The following CAMKMT variants were observed in gnomAD, a reference collection of about 807,000 sequenced individuals.
CAMKMT encodes the protein calmodulin-lysine N-methyltransferase.
CAMKMT carries 53 observed loss-of-function variants against 48.0 expected under a neutral mutation model. That is an observed-to-expected ratio of 1.10 (90% CI 0.89 to 1.39). The LOEUF (loss-of-function observed/expected upper bound fraction) is 1.39, where lower values mean the gene tolerates loss of function less well. Ranked by LOEUF, CAMKMT falls within the 40% of genes most tolerant of loss-of-function variation. The pLI is 0.00. For missense variants in CAMKMT, 428 were observed against 402.7 expected (o/e 1.06, Z -0.54); for synonymous variants, 165 against 152.3 (o/e 1.08, Z -0.61).
At chr2:44,687,299 T>G (rs541134129) in intron 3 of CAMKMT, among the ~76,000 whole-genome samples, 1 of 152,362 alleles carries the variant, frequency 6.6e-6, no homozygotes, top group East Asian at 1.9e-4. Context: ...TCACTGTGCT[T>G]ACCATATTGT....
chr2:44,552,744 T>C (rs1433207271), intron 3 of CAMKMT, among the ~76,000 whole-genome samples: 2 of 152,318 alleles, frequency 1.3e-5, no homozygotes, highest in East Asian at 1.9e-4. Context: ...AGTCATATGG[T>C]ATGTGATGGT....
chr2:44,484,257 C>A (rs1163254433), intron 3 of CAMKMT, among the ~76,000 whole-genome samples: 1 of 150,344 alleles, frequency 6.7e-6, no homozygotes, highest in Non-Finnish European at 1.5e-5. Flanking sequence ...ATGTAAAGAA[C>A]CAATAATAGT....
At chr2:44,505,915 T>C (rs1174060397) in intron 3 of CAMKMT, among the ~76,000 whole-genome samples, 1 of 152,092 alleles carries the variant, frequency 6.6e-6, no homozygotes, top group African/African-American at 2.4e-5. Flanking sequence ...TTGCCCAGGC[T>C]GAAGTGCAGT....
At chr2:44,472,569 A>G (rs773587081) in intron 3 of CAMKMT, among the ~76,000 whole-genome samples, 3 of 152,172 alleles carry the variant, frequency 2.0e-5, no homozygotes, top group African/African-American at 2.4e-5. Flanking sequence ...ATCCTCTTTC[A>G]TTTTTAACAA....
At chr2:44,458,533 G>T (rs529018141) in intron 3 of CAMKMT, among the ~76,000 whole-genome samples, 318 of 152,292 alleles carry the variant, frequency 2.1e-3, no homozygotes, top group African/African-American at 7.2e-3. Flanking sequence ...GTACATTTAA[G>T]ATGAAAAGGT....
intron 3 of CAMKMT, among the ~76,000 whole-genome samples, chr2:44,541,215 A>G (rs1417336568): frequency 6.6e-6 from 1 of 152,222 alleles, no homozygotes; most frequent in Non-Finnish European, 1.5e-5. Context: ...GAACTTTAGT[A>G]CCAACTTAGT....
intron 3 of CAMKMT, among the ~76,000 whole-genome samples, chr2:44,405,504 A>T (rs2104459332): frequency 6.6e-6 from 1 of 152,292 alleles, no homozygotes; most frequent in East Asian, 1.9e-4. Context: ...GAAGGCATAT[A>T]TACCAATTTA....
chr2:44,750,523 T>C (rs74606184), intron 8 of CAMKMT, among the ~76,000 whole-genome samples: 1 of 152,164 alleles, frequency 6.6e-6, no homozygotes, highest in African/African-American at 2.4e-5. Flanking sequence ...GTCCTTTTAT[T>C]TATTTATTGC....
chr2:44,400,106 A>G (rs923336402), intron 3 of CAMKMT, among the ~76,000 whole-genome samples: 1 of 152,196 alleles, frequency 6.6e-6, no homozygotes, highest in Non-Finnish European at 1.5e-5. Flanking sequence ...ATACCCAAAC[A>G]AATCTGTTCA....
intron 3 of CAMKMT, among the ~76,000 whole-genome samples, chr2:44,560,239 T>C (rs1343471920): frequency 6.6e-6 from 1 of 152,210 alleles, no homozygotes; most frequent in East Asian, 1.9e-4. Context: ...CTTAGTTAAA[T>C]GTCTTCTTGG....
Position 44,729,295 on chromosome 2 carries a change from C to T in CAMKMT, c.623+13942C>T, listed in dbSNP as rs192841819. Among the ~76,000 whole-genome samples the T allele has an allele frequency of 3.9e-4, 59 of 152,178 alleles. 1 individual carries two copies. Among genetic ancestry groups the T allele is most frequent in the Admixed American group, 7.2e-4 (11 of 15,274 alleles). ...TGCTAGAAGATTTGGAGATCAAAAT[C>T]AAGTGATCAGAACATAACTACGGGA... is the stretch of plus-strand genomic sequence containing the variant. On this transcript the variant is annotated intron_variant, in intron 7 of 10. Coordinates refer to ENST00000378494, the MANE Select transcript of CAMKMT (RefSeq NM_024766.5).
At chr2:44,696,664 C>G (rs1187669999) in intron 3 of CAMKMT, among the ~76,000 whole-genome samples, 1 of 151,682 alleles carries the variant, frequency 6.6e-6, no homozygotes, top group East Asian at 1.9e-4. Flanking sequence ...AATGATGAGC[C>G]CCACACCCTC....
chr2:44,484,017 A>T (rs1558649291), intron 3 of CAMKMT, among the ~76,000 whole-genome samples: 2 of 152,186 alleles, frequency 1.3e-5, no homozygotes, highest in South Asian at 4.1e-4. Flanking sequence ...TTAAAGCATT[A>T]CCATGAGCCT....
intron 3 of CAMKMT, among the ~76,000 whole-genome samples, chr2:44,451,465 C>T (rs1226949282): frequency 2.6e-5 from 4 of 151,772 alleles, no homozygotes; most frequent in Admixed American, 2.6e-4. Flanking sequence ...CCTAACCTTG[C>T]CTTTCAAATT....
At chr2:44,687,926 T>A (rs1027339695) in intron 3 of CAMKMT, among the ~76,000 whole-genome samples, 3 of 152,254 alleles carry the variant, frequency 2.0e-5, no homozygotes, top group Admixed American at 2.0e-4. Flanking sequence ...TTTAGCACAT[T>A]ATTGCTTAAC....
intron 3 of CAMKMT, among the ~76,000 whole-genome samples, chr2:44,419,169 C>T (rs1067382): frequency 0.01 from 1,594 of 152,290 alleles, 9 homozygotes; most frequent in Admixed American, 0.016. Context: ...AACTACTTTT[C>T]CAGATTCCGT....
At chr2:44,542,818 C>T (rs1667203695) in intron 3 of CAMKMT, among the ~76,000 whole-genome samples, 1 of 152,000 alleles carries the variant, frequency 6.6e-6, no homozygotes. Context: ...AAAAGATCAT[C>T]CCAGAATGGC....
intron 3 of CAMKMT, among the ~76,000 whole-genome samples, chr2:44,442,622 TTC>T (rs2104566893): frequency 6.6e-6 from 1 of 152,332 alleles, no homozygotes; most frequent in East Asian, 1.9e-4. Flanking sequence ...CTCCTCTTAA[TTC>T]TCTGACCGAC....
rs372236119 is a variant in CAMKMT, at chr2:44,707,404, T to A, written c.498T>A (p.Ala166=). ...TGCTCCCTTTTTTTTTTCAGGTTGC[T>A]ATTTCTGCAGATGTCAAAGAAGTTC... The part of the protein sequence containing the change: ...GMTCLAGLMV[A]ISADVKEVLL... Residue 166 remains alanine (A), a synonymous_variant, in exon 6 of 11, where the codon GCT becomes GCA. Transcript: ENST00000378494. 25 of 1,612,342 alleles carry A rather than the reference T, an allele frequency of 1.6e-5. No individual in the cohort carries two copies. The African/African-American group carries it at 3.2e-4, about 21-fold the overall frequency.
Sources: gnomAD v4.1 joint callset for allele counts (sites outside exome capture counted in the v4.1 genomes callset) on GRCh38, gnomAD v4.1.1 for gene constraint, MANE v1.5 for transcripts, NCBI Gene and HGNC (gene_info 2026-07-23, HGNC 2026-07-21) for gene names.